WDR19: variants seen among roughly 807,000 people sequenced by gnomAD.
WDR19 encodes the protein WD repeat-containing protein 19.
In WDR19, 121 loss-of-function variants were observed where a neutral mutation model predicts 180.0. The ratio of observed to expected loss-of-function variants is 0.67; its 90% CI spans 0.58 to 0.78. The LOEUF (loss-of-function observed/expected upper bound fraction) is 0.78, where lower values mean the gene tolerates loss of function less well. Among genes scored for constraint, WDR19 ranks in the 30% least tolerant of loss-of-function variants. The probability of loss-of-function intolerance (pLI) is 0.00; values close to 1 mark genes in which losing one functional copy is unlikely to be tolerated. For missense variants in WDR19, 1,450 were observed against 1,640.7 expected, an observed-to-expected ratio of 0.88 and a Z score of 2.01; for synonymous variants, 497 against 540.7, an observed-to-expected ratio of 0.92 and a Z score of 1.12.
intron 36 of WDR19, among the ~76,000 whole-genome samples, chr4:39,283,178 C>CT (rs1334147296): frequency 6.6e-6 from 1 of 152,104 alleles, no homozygotes. Flanking sequence ...TTGTCAAATG[C>CT]TTTTTCTCTA....
intron 36 of WDR19, among the ~76,000 whole-genome samples, chr4:39,284,058 A>G (rs953388022): frequency 6.6e-6 from 1 of 151,922 alleles, no homozygotes; most frequent in Non-Finnish European, 1.5e-5. Context: ...TGGTTTTTAA[A>G]TTTTTTTAAC....
chr4:39,222,979 G>A (rs1486327022), intron 14 of WDR19, among the ~76,000 whole-genome samples: 1 of 152,092 alleles, frequency 6.6e-6, no homozygotes, highest in Non-Finnish European at 1.5e-5. Flanking sequence ...GCAATATTTT[G>A]AGATTGGCTT....
Position 39,234,621 on chromosome 4 carries a change from TA to T in WDR19, c.2254-144del. On this transcript the variant is annotated intron_variant, in intron 19 of 36. Coordinates refer to ENST00000399820, the MANE Select transcript of WDR19 (RefSeq NM_025132.4). ...AAGACCCTATTGAGAATACATACTA[TA>T]GTAATATATTATCATTGTAAAGATC... 3 of 651,942 alleles carry T rather than the reference TA, an allele frequency of 4.6e-6. No individual in the cohort carries two copies. The South Asian group carries it at 5.4e-5, about 12-fold the overall frequency. 40.4% of individuals were successfully genotyped at this position (651,942 alleles called of 1,614,324 possible).
intron 27 of WDR19, 133 bp downstream of exon 27, chr4:39,256,093 C>T: frequency 2.2e-6 from 1 of 448,880 alleles, no homozygotes. Flanking sequence ...AATCTCAGAG[C>T]TAACTCTGAA....
In WDR19 at chr4:39,278,539, C is replaced by T. The variant is rs764296921; in HGVS notation, c.3918C>T (p.Ile1306=). 8 of 1,608,690 alleles carry T rather than the reference C, an allele frequency of 5.0e-6. No homozygotes were observed. In the East Asian group the frequency reaches 8.9e-5, roughly 18 times the overall value. Residue 1306 remains isoleucine, a splice_region_variant and synonymous_variant, in exon 36 of 37, where the codon ATC becomes ATT. Transcript: ENST00000399820. ...DFPALYSELK[I]MLNTESTCPM... ...CTCTGCCTTTCCCTCCCCTAAACAG[C>T]ATGCTAAACACTGAAAGCACATGTC...
chr4:39,241,975 T>C (rs1732006735), intron 21 of WDR19, among the ~76,000 whole-genome samples: 1 of 151,446 alleles, frequency 6.6e-6, no homozygotes, highest in South Asian at 2.1e-4. Flanking sequence ...TTCATTTCCA[T>C]TCACTCAGCA....
chr4:39,245,139 G>A (rs367809391), intron 23 of WDR19, among the ~76,000 whole-genome samples: 1 of 151,488 alleles, frequency 6.6e-6, no homozygotes, highest in African/African-American at 2.4e-5. Context: ...TAGAGGTGGG[G>A]TTTCACCATG....
intron 28 of WDR19, among the ~76,000 whole-genome samples, chr4:39,265,113 CTCG>C (rs566489244): frequency 2.6e-4 from 40 of 151,788 alleles, no homozygotes; most frequent in African/African-American, 9.2e-4. Flanking sequence ...GAGATAGGAT[CTCG>C]TCATGTTGGC....
At chr4:39,257,979 C>T (rs966105880) in intron 28 of WDR19, among the ~76,000 whole-genome samples, 3 of 151,606 alleles carry the variant, frequency 2.0e-5, no homozygotes, top group Non-Finnish European at 4.4e-5. Context: ...TGTCACCCCC[C>T]AGTCAATATC....
chr4:39,217,990 G>A lies in WDR19; in HGVS notation c.1364G>A (p.Ser455Asn). Residue 455 changes from serine (S) to asparagine (N), a missense_variant, in exon 14 of 37, where the codon AGC (serine) becomes AAC (asparagine). Ser to Asn is a conservative substitution (Grantham distance 46, BLOSUM62 1). Transcript: ENST00000399820. ...TTATTCTTTACGTTTTAGATAGAAAGCGAAATCTTGGATGCTCAAGAAGAA... is the reference window on the plus strand; with the variant it reads ...TTATTCTTTACGTTTTAGATAGAAAACGAAATCTTGGATGCTCAAGAAGAA... ...EGKVQLHLIE[S>N]EILDAQEERE... 1 of 1,613,636 alleles carries A rather than the reference G, an allele frequency of 6.2e-7. No homozygotes were observed. The highest frequency in any genetic ancestry group is 8.5e-7 in the Non-Finnish European group (1 of 1,179,760).
intron 32 of WDR19, chr4:39,274,074 T>C (rs893853005): frequency 1.3e-5 from 2 of 152,250 alleles, no homozygotes; most frequent in African/African-American, 4.8e-5. Flanking sequence ...GACACAAATG[T>C]TAACCACATA....
chr4:39,245,245 G>T, intron 23 of WDR19, 124 bp from the exon 24 acceptor site: 1 of 761,148 alleles, frequency 1.3e-6, no homozygotes, highest in African/African-American at 1.8e-5. Flanking sequence ...CCCGCCAGGA[G>T]CCAAGATTTT....
At chr4:39,249,693 G>A (rs1302488899) in intron 24 of WDR19, among the ~76,000 whole-genome samples, 1 of 152,078 alleles carries the variant, frequency 6.6e-6, no homozygotes, top group Non-Finnish European at 1.5e-5. Context: ...CATACAAACT[G>A]CCATCAGAGA....
intron 6 of WDR19, among the ~76,000 whole-genome samples, chr4:39,203,091 T>G (rs1727541630): frequency 7.4e-6 from 1 of 135,424 alleles, no homozygotes; most frequent in South Asian, 2.3e-4. Flanking sequence ...ATTAAATCCT[T>G]TTTCCTTTTT....
At chr4:39,200,574 A>T (rs1727264348) in intron 6 of WDR19, among the ~76,000 whole-genome samples, 1 of 152,166 alleles carries the variant, frequency 6.6e-6, no homozygotes, top group Non-Finnish European at 1.5e-5. Context: ...AGCCTTCCTC[A>T]CTTCCTTGCC....
intron 28 of WDR19, among the ~76,000 whole-genome samples, chr4:39,258,047 G>A (rs1423826154): frequency 6.6e-6 from 1 of 151,514 alleles, no homozygotes; most frequent in East Asian, 1.9e-4. Context: ...TTTTGCCTGT[G>A]TATAAACTTC....
intron 19 of WDR19, among the ~76,000 whole-genome samples, chr4:39,232,929 C>A (rs1236736098): frequency 6.6e-6 from 1 of 152,062 alleles, no homozygotes; most frequent in Non-Finnish European, 1.5e-5. Context: ...GGTATTATAA[C>A]ATTACTAATT....
At chr4:39,224,244 G>A (rs750987727) in intron 14 of WDR19, among the ~76,000 whole-genome samples, 1 of 152,012 alleles carries the variant, frequency 6.6e-6, no homozygotes, top group Non-Finnish European at 1.5e-5. Context: ...GTATTTAAAA[G>A]TTACTCCTAT....
chr4:39,278,630 C>T lies in WDR19; in HGVS notation c.4009C>T (p.Arg1337Ter), dbSNP rs367721770. Residue 1337 changes from arginine (R) to a stop codon, truncating the protein, a stop_gained, in exon 36 of 37, where the codon CGA becomes TGA. Transcript: ENST00000399820. LOFTEE classifies it high-confidence loss of function. The stretch of plus-strand genomic sequence containing the variant: ...GATTTCAGACTGTACCCAGTACCTG[C>T]GAACGGAGGAGGAACTGTGATTGGC... ...KKISDCTQYL[R>*]TEEEL 23 of 1,611,516 alleles carry T rather than the reference C, an allele frequency of 1.4e-5. No individual in the cohort carries two copies. Among genetic ancestry groups the T allele is most frequent in the African/African-American group, 2.7e-5 (2 of 74,828 alleles).
Sources: gnomAD v4.1 joint callset for allele counts (sites outside exome capture counted in the v4.1 genomes callset) on GRCh38, gnomAD v4.1.1 for gene constraint, MANE v1.5 for transcripts, NCBI Gene and HGNC (gene_info 2026-07-23, HGNC 2026-07-21) for gene names.